LYPD6: variants seen among roughly 807,000 people sequenced by gnomAD.
LYPD6 encodes the protein LY6/PLAUR domain containing 6, also known as ly6/PLAUR domain-containing protein 6.
LYPD6 carries 15 observed loss-of-function variants against 22.7 expected under a neutral mutation model. The ratio of observed to expected loss-of-function variants is 0.66; its 90% CI spans 0.44 to 1.02. The LOEUF (loss-of-function observed/expected upper bound fraction) is 1.02. Among genes scored for constraint, LYPD6 ranks in the 50% least tolerant of loss-of-function variants. The pLI, the probability that LYPD6 is intolerant of heterozygous loss-of-function variation, is 0.00. For missense variants in LYPD6, 189 were observed against 208.4 expected (o/e 0.91, Z 0.57); for synonymous variants, 72 against 77.5 (o/e 0.93, Z 0.37).
At chr2:149,483,204 G>A in the LYPD6 span, among the ~76,000 whole-genome samples, 6 of 152,228 alleles carry the variant, frequency 3.9e-5, no homozygotes, top group Non-Finnish European at 8.8e-5. Flanking sequence ...TGGCATTCAA[G>A]TGCAGGGCTT....
chr2:149,448,959 C>A (rs1683747668), intron 2 of LYPD6, 90 bp from the exon 3 acceptor site: 12 of 1,018,786 alleles, frequency 1.2e-5, no homozygotes, highest in Admixed American at 2.5e-5. Context: ...TCTTGAGAAT[C>A]CTTTCTTTAA....
chr2:149,365,183 C>T (rs1681637857), intron 1 of LYPD6, among the ~76,000 whole-genome samples: 1 of 152,206 alleles, frequency 6.6e-6, no homozygotes, highest in African/African-American at 2.4e-5. Flanking sequence ...CAAAGCTCTC[C>T]AATGTTCAGA....
At chr2:149,398,550 T>C (rs1027587000) in intron 1 of LYPD6, among the ~76,000 whole-genome samples, 3 of 152,044 alleles carry the variant, frequency 2.0e-5, no homozygotes, top group Admixed American at 6.6e-5. Flanking sequence ...ACTTTCCTGT[T>C]ACTGAGGAGG....
intron 1 of LYPD6, among the ~76,000 whole-genome samples, chr2:149,342,452 A>T (rs1021114263): frequency 1.3e-5 from 2 of 152,214 alleles, no homozygotes; most frequent in Admixed American, 6.5e-5. Context: ...TCTCTGTGTC[A>T]CATGGTGGCT....
In LYPD6 at chr2:149,342,549, T is replaced by C. The variant is rs541972936; in HGVS notation, c.-72+11827T>C. 7.7e-4 allele frequency among the ~76,000 whole-genome samples: 118 copies of C among 152,330 alleles called. 1 individual carries two copies. The highest frequency in any genetic ancestry group is 4.6e-4 in the Non-Finnish European group (31 of 68,030). On this transcript the variant is annotated intron_variant, in intron 1 of 4. Coordinates refer to ENST00000334166, the MANE Select transcript of LYPD6 (RefSeq NM_194317.5). ...AGAGGCCAATATAGCAAATTTACTA[T>C]GTATAAAGATGTACACTGTTCTTCT...
At chr2:149,362,340 A>T (rs1308450994) in intron 1 of LYPD6, among the ~76,000 whole-genome samples, 1 of 152,158 alleles carries the variant, frequency 6.6e-6, no homozygotes, top group Non-Finnish European at 1.5e-5. Context: ...GTGACATGGG[A>T]GCCTTCATAA....
intron 1 of LYPD6, among the ~76,000 whole-genome samples, chr2:149,333,357 A>G (rs1159318355): frequency 6.6e-6 from 1 of 152,202 alleles, no homozygotes; most frequent in Non-Finnish European, 1.5e-5. Context: ...TACAATATTT[A>G]CTTGTGTCAT....
intron 2 of LYPD6, among the ~76,000 whole-genome samples, chr2:149,440,867 AT>A (rs112892707): frequency 0.27 from 39,020 of 144,210 alleles, 6,071 homozygotes; most frequent in African/African-American, 0.46. Context: ...GGCCTGACTA[AT>A]TTTTTTTTTT....
At chr2:149,461,888 G>A (rs774887739) in intron 3 of LYPD6, among the ~76,000 whole-genome samples, 4 of 151,868 alleles carry the variant, frequency 2.6e-5, no homozygotes, top group Admixed American at 6.6e-5. Flanking sequence ...TAGGAATAGC[G>A]AGAAACTTCT....
Position 149,456,058 on chromosome 2 carries a change from A to G in LYPD6, c.217+6911A>G, listed in dbSNP as rs982081670. 3.9e-5 allele frequency among the ~76,000 whole-genome samples: 6 copies of G among 152,232 alleles called. No individual in the cohort carries two copies. In the East Asian group the frequency reaches 1.2e-3, roughly 29 times the overall value. On this transcript the variant is annotated intron_variant, in intron 3 of 4. Transcript: ENST00000334166. ...GGAATTTTTTACTTGGAACAAGAGG[A>G]GAAAACACATCTTTTTAAAAGATCT...
intron 3 of LYPD6, among the ~76,000 whole-genome samples, chr2:149,455,307 A>G (rs891182736): frequency 2.1e-5 from 3 of 140,946 alleles, no homozygotes; most frequent in Non-Finnish European, 4.5e-5. Flanking sequence ...TGCCCAGGCT[A>G]GAGTGCAGTG....
At chr2:149,367,138 A>G (rs1447899624) in intron 1 of LYPD6, among the ~76,000 whole-genome samples, 2 of 152,164 alleles carry the variant, frequency 1.3e-5, no homozygotes, top group Non-Finnish European at 2.9e-5. Flanking sequence ...AACAACAAAC[A>G]TTTATTATCT....
chr2:149,478,393 T>C (rs1456355969), downstream of LYPD6, among the ~76,000 whole-genome samples: 3 of 63,060 alleles, frequency 4.8e-5, no homozygotes, highest in Non-Finnish European at 8.5e-5. Flanking sequence ...TGTGTGTGTG[T>C]GTGTGTGCGC....
At chr2:149,435,955 A>C (rs531198907) in intron 1 of LYPD6, among the ~76,000 whole-genome samples, 2 of 152,360 alleles carry the variant, frequency 1.3e-5, no homozygotes, top group South Asian at 4.1e-4. Flanking sequence ...GCTATTTAAA[A>C]AAATATTTTA....
intron 1 of LYPD6, among the ~76,000 whole-genome samples, chr2:149,378,063 A>C (rs1681970037): frequency 6.6e-6 from 1 of 152,076 alleles, no homozygotes; most frequent in Admixed American, 6.6e-5. Context: ...ATTCTTCAAA[A>C]GACTTTCCTA....
At position 149,441,249 on chromosome 2, in the gene LYPD6, T is replaced by G. The variant is rs146582173; in HGVS notation, c.118+3423T>G. Among the ~76,000 whole-genome samples, 5 of 152,320 alleles carry G rather than the reference T, an allele frequency of 3.3e-5. No homozygotes were observed. In the East Asian group the frequency reaches 9.7e-4, roughly 29 times the overall value. ...AATTATTTGTATAGTCACCTCACTT[T>G]GTAGATGAAGGCACAAACAGCATTC... On this transcript the variant is annotated intron_variant, in intron 2 of 4. Transcript: ENST00000334166.
intron 3 of LYPD6, among the ~76,000 whole-genome samples, chr2:149,466,804 A>G (rs560020962): frequency 2.7e-5 from 4 of 150,182 alleles, no homozygotes; most frequent in South Asian, 4.2e-4. Context: ...TCGGATTTAC[A>G]TTTGGAGCAG....
At chr2:149,481,704 C>T in the LYPD6 span, among the ~76,000 whole-genome samples, 17 of 152,156 alleles carry the variant, frequency 1.1e-4, no homozygotes, top group Admixed American at 2.0e-4. Flanking sequence ...GCCATATGTT[C>T]AATGTGTCAT....
At chr2:149,446,913 C>T (rs922543459) in intron 2 of LYPD6, among the ~76,000 whole-genome samples, 1 of 152,132 alleles carries the variant, frequency 6.6e-6, no homozygotes, top group African/African-American at 2.4e-5. Flanking sequence ...ACTGCCTTCT[C>T]CTTCATTTAT....
Sources: allele counts gnomAD v4.1 joint callset (sites outside exome capture counted in the v4.1 genomes callset), GRCh38; gene constraint gnomAD v4.1.1; transcripts MANE v1.5; gene names NCBI Gene and HGNC (gene_info 2026-07-23, HGNC 2026-07-21).